AGBL4: variants seen among roughly 807,000 people sequenced by gnomAD.
The protein encoded by AGBL4 is cytosolic carboxypeptidase 6.
AGBL4 carries 58 observed loss-of-function variants against 66.4 expected under a neutral mutation model. The ratio of observed to expected loss-of-function variants is 0.87; its 90% CI spans 0.71 to 1.09. The LOEUF (loss-of-function observed/expected upper bound fraction) is 1.09, where lower values mean the gene tolerates loss of function less well. Ranked by LOEUF, AGBL4 falls within the 50% of genes least tolerant of loss-of-function variation. AGBL4 has a pLI of 0.00. For synonymous variants in AGBL4, 234 were observed against 222.9 expected (o/e 1.05, Z -0.44); for missense variants, 579 against 631.0 (o/e 0.92, Z 0.88).
intron 4 of AGBL4, among the ~76,000 whole-genome samples, chr1:49,105,997 T>C (rs1212469875): frequency 6.6e-6 from 1 of 152,182 alleles, no homozygotes; most frequent in East Asian, 1.9e-4. Flanking sequence ...GGAGCTAATA[T>C]CATTTCTTAA....
Position 48,534,295 on chromosome 1 carries a change from T to G in AGBL4, c.1392-2A>C. On this transcript the variant is annotated splice_acceptor_variant, in intron 13 of 13. Transcript: ENST00000371839. LOFTEE classifies it high-confidence loss of function. Reference sequence around the variant, plus strand: ...TTGTAAGGAGGGGATTTTTCTTTCCTGCAAAGGGGGAGATAACAGAAAGAG... The same window carrying G: ...TTGTAAGGAGGGGATTTTTCTTTCCGGCAAAGGGGGAGATAACAGAAAGAG... 1 of 1,549,622 alleles carries G rather than the reference T, an allele frequency of 6.5e-7. No homozygotes were observed. Among genetic ancestry groups the G allele is most frequent in the Non-Finnish European group, 8.7e-7 (1 of 1,146,190 alleles).
chr1:48,822,499 T>C (rs1646337832), intron 6 of AGBL4, among the ~76,000 whole-genome samples: 2 of 152,238 alleles, frequency 1.3e-5, no homozygotes, highest in African/African-American at 4.8e-5. Flanking sequence ...AGATAATCCT[T>C]TCTTCATTGA....
intron 3 of AGBL4, among the ~76,000 whole-genome samples, chr1:49,616,879 C>T (rs961434392): frequency 1.3e-5 from 2 of 152,174 alleles, no homozygotes; most frequent in African/African-American, 4.8e-5. Flanking sequence ...AGAATCTCTA[C>T]TCATCACCTC....
chr1:49,878,236 T>C (rs1470253291), intron 1 of AGBL4, among the ~76,000 whole-genome samples: 10 of 149,022 alleles, frequency 6.7e-5, no homozygotes, highest in Non-Finnish European at 2.9e-5. Flanking sequence ...TTTCTAGTTC[T>C]TTTAATTGTG....
At chr1:48,906,733 T>C (rs1224581370) in intron 5 of AGBL4, among the ~76,000 whole-genome samples, 2 of 152,144 alleles carry the variant, frequency 1.3e-5, no homozygotes, top group African/African-American at 4.8e-5. Context: ...TTTCCTGTCA[T>C]GAAAACAAAG....
chr1:48,984,481 G>A (rs1290344939), intron 5 of AGBL4, among the ~76,000 whole-genome samples: 3 of 148,782 alleles, frequency 2.0e-5, no homozygotes, highest in African/African-American at 4.9e-5. Flanking sequence ...CCTGAGCCTC[G>A]GCTTTCCCAT....
rs918049541 is a variant in AGBL4 at position 49,851,428 on chromosome 1, C to T, written c.125G>A (p.Gly42Glu). ...AAAGCAAGCATCAAAGATAAGATGT[C>T]CTTTCTTGGGCTGTCCACAATAGCC... The part of the protein sequence containing the change: ...PTGYCGQPKK[G>E]HLIFDACFES... Residue 42 changes from glycine to glutamate, a missense_variant, in exon 2 of 14, where the codon GGA becomes GAA. Coordinates refer to ENST00000371839, the MANE Select transcript of AGBL4 (RefSeq NM_032785.4). 1 of 1,549,750 alleles carries T rather than the reference C, an allele frequency of 6.5e-7. No homozygotes were observed. The highest frequency in any genetic ancestry group is 8.7e-7 in the Non-Finnish European group (1 of 1,145,934).
intron 3 of AGBL4, among the ~76,000 whole-genome samples, chr1:49,468,778 T>G (rs1646681111): frequency 6.6e-6 from 1 of 151,926 alleles, no homozygotes; most frequent in South Asian, 2.1e-4. Context: ...TTTGCAAATT[T>G]GACTCCATGA....
At position 49,700,934 on chromosome 1, in the gene AGBL4, A is replaced by T. The variant is rs563132325; in HGVS notation, c.158-3497T>A. Among the ~76,000 whole-genome samples the T allele has an allele frequency of 1.2e-4, 18 of 152,132 alleles. 1 individual carries two copies. Among genetic ancestry groups the T allele is most frequent in the Middle Eastern group, 3.4e-3 (1 of 294 alleles). On this transcript the variant is annotated intron_variant, in intron 2 of 13. Coordinates refer to ENST00000371839, the MANE Select transcript of AGBL4 (RefSeq NM_032785.4). ...GCAAGCAAAAAGAACAGAAAATGTT[A>T]AAAAAAATTATCTGAATGTACCCTA...
chr1:49,220,873 G>A (rs190630880), intron 4 of AGBL4, among the ~76,000 whole-genome samples: 33 of 152,254 alleles, frequency 2.2e-4, no homozygotes, highest in Middle Eastern at 6.8e-3. Context: ...ATTAATGCAG[G>A]AAAAGCATGG....
intron 4 of AGBL4, among the ~76,000 whole-genome samples, chr1:49,079,393 T>C (rs571889051): frequency 1.3e-5 from 2 of 152,080 alleles, no homozygotes; most frequent in African/African-American, 4.8e-5. Context: ...AAACTTACAA[T>C]CATGATGGAA....
chr1:48,524,768 GCA>G, the AGBL4 span, among the ~76,000 whole-genome samples: 2 of 151,282 alleles, frequency 1.3e-5, no homozygotes, highest in African/African-American at 2.4e-5. Context: ...CATAATGGTA[GCA>G]CACACACACA....
At position 49,389,292 on chromosome 1, in the gene AGBL4, G is replaced by T. The variant is rs1479533669; in HGVS notation, c.283-143428C>A. Among the ~76,000 whole-genome samples the T allele has an allele frequency of 5.9e-5, 9 of 152,002 alleles. No homozygotes were observed. The South Asian group carries it at 8.3e-4, about 14-fold the overall frequency. ...CTCAGAAAAGAGAAATAATTTGACTGAGGGCAAACAGCAAGTCAACAGAGG... is the reference window on the plus strand; with the variant it reads ...CTCAGAAAAGAGAAATAATTTGACTTAGGGCAAACAGCAAGTCAACAGAGG... On this transcript the variant is annotated intron_variant, in intron 3 of 13. Transcript: ENST00000371839.
At chr1:49,324,790 T>C (rs1285665315) in intron 3 of AGBL4, among the ~76,000 whole-genome samples, 1 of 152,226 alleles carries the variant, frequency 6.6e-6, no homozygotes, top group Admixed American at 6.5e-5. Flanking sequence ...TCTATACATT[T>C]CTGAACACTT....
At chr1:49,022,045 A>C (rs539061989) in intron 5 of AGBL4, among the ~76,000 whole-genome samples, 13 of 152,284 alleles carry the variant, frequency 8.5e-5, no homozygotes, top group African/African-American at 2.9e-4. Context: ...AAAGTTAAGA[A>C]ACTTTTAAAT....
chr1:48,716,943 T>C (rs1302162358), intron 6 of AGBL4, among the ~76,000 whole-genome samples: 2 of 152,206 alleles, frequency 1.3e-5, no homozygotes, highest in African/African-American at 4.8e-5. Flanking sequence ...CACATTCCTA[T>C]ATTTTACAGT....
intron 3 of AGBL4, among the ~76,000 whole-genome samples, chr1:49,369,008 C>T (rs1356305798): frequency 1.3e-5 from 2 of 151,804 alleles, no homozygotes; most frequent in East Asian, 1.9e-4. Context: ...CTGGTGGGGG[C>T]GGAGGTTATG....
intron 3 of AGBL4, among the ~76,000 whole-genome samples, chr1:49,535,437 T>C (rs2148818281): frequency 6.7e-6 from 1 of 149,816 alleles, no homozygotes; most frequent in South Asian, 2.1e-4. Flanking sequence ...AAGTGTTAGA[T>C]TTTGGTATTT....
chr1:48,906,721 T>A (rs1449080682), intron 5 of AGBL4, among the ~76,000 whole-genome samples: 1 of 152,218 alleles, frequency 6.6e-6, no homozygotes, highest in African/African-American at 2.4e-5. Flanking sequence ...CTAATTTGGT[T>A]ATTTCCTGTC....
Sources: gnomAD v4.1 joint callset for allele counts (sites outside exome capture counted in the v4.1 genomes callset) on GRCh38, gnomAD v4.1.1 for gene constraint, MANE v1.5 for transcripts, NCBI Gene and HGNC (gene_info 2026-07-23, HGNC 2026-07-21) for gene names.